The following DLGAP2 variants were observed in gnomAD, a reference collection of about 807,000 sequenced individuals.
The protein encoded by DLGAP2 is disks large-associated protein 2.
Under a neutral mutation model 100.3 loss-of-function variants are expected in DLGAP2, and 26 were observed. That is an observed-to-expected ratio of 0.26 (90% CI 0.19 to 0.36). The LOEUF is 0.36. Ranked by LOEUF, DLGAP2 falls within the 10% of genes least tolerant of loss-of-function variation. The pLI is 1.00. For synonymous variants in DLGAP2, 886 were observed against 630.1 expected (o/e 1.41, Z -6.08); for missense variants, 1,858 against 1,453.2 (o/e 1.28, Z -4.53).
intron 2 of DLGAP2, chr8:1,018,898 G>A (rs951211201): frequency 6.6e-6 from 1 of 152,130 alleles, no homozygotes; most frequent in Non-Finnish European, 1.5e-5. Flanking sequence ...AAGCTGGTGT[G>A]GCTGAAACGG....
chr8:1,072,581 G>A (rs1339683891), intron 2 of DLGAP2, among the ~76,000 whole-genome samples: 1 of 152,174 alleles, frequency 6.6e-6, no homozygotes, highest in Non-Finnish European at 1.5e-5. Context: ...GCTTGTGGCT[G>A]TTCCCGAGAG....
intron 3 of DLGAP2, among the ~76,000 whole-genome samples, chr8:1,275,773 A>G (rs1197337936): frequency 7.7e-6 from 1 of 130,550 alleles, no homozygotes; most frequent in Non-Finnish European, 1.6e-5. Context: ...AATATATATT[A>G]TATATAAAAA....
intron 2 of DLGAP2, among the ~76,000 whole-genome samples, chr8:1,223,577 C>T (rs1798359282): frequency 1.3e-5 from 2 of 152,210 alleles, no homozygotes; most frequent in Non-Finnish European, 2.9e-5. Context: ...TCTTCACTTT[C>T]TCTTTTTTAA....
intron 4 of DLGAP2, among the ~76,000 whole-genome samples, chr8:1,543,854 C>T (rs562962775): frequency 6.6e-6 from 1 of 152,190 alleles, no homozygotes; most frequent in East Asian, 1.9e-4. Flanking sequence ...TAATTTCTTT[C>T]AGTAGCGATG....
intron 4 of DLGAP2, among the ~76,000 whole-genome samples, chr8:1,520,126 G>T (rs1019655826): frequency 6.6e-6 from 1 of 152,142 alleles, no homozygotes; most frequent in Non-Finnish European, 1.5e-5. Flanking sequence ...ACATACCATG[G>T]GCTATACACC....
chr8:1,548,899 C>G lies in DLGAP2; in HGVS notation c.446C>G (p.Pro149Arg). 1.9e-6 allele frequency: 3 copies of G among 1,597,686 alleles called. No individual in the cohort carries two copies. Among genetic ancestry groups the G allele is most frequent in the Non-Finnish European group, 1.7e-6 (2 of 1,178,652 alleles). ...GTGCACTCGGAGTGCGTGATGATGC[C>G]GGTGGTGCTGGGCGACCACGTGTCC... The part of the protein sequence containing the change: ...SSVHSECVMM[P>R]VVLGDHVSSS... The change falls in exon 5 of 15, where the codon CCG becomes CGG. Residue 149 changes from proline (P) to arginine (R), a missense_variant. By Grantham distance (103) the Pro-to-Arg change is moderately radical (BLOSUM62 -2). Transcript: ENST00000637795.
rs150427997 is a variant in DLGAP2, at chr8:1,545,886, C to G, written c.173-2740C>G. On this transcript the variant is annotated intron_variant, in intron 4 of 14. Coordinates refer to ENST00000637795, the MANE Select transcript of DLGAP2 (RefSeq NM_001346810.2). ...CTAAACATTAGGCAGAAGTAGGATA[C>G]GTGAGTGGGGCAGTAATGGACTCTC... is the stretch of plus-strand genomic sequence containing the variant. 4.6e-5 allele frequency among the ~76,000 whole-genome samples: 7 copies of G among 152,104 alleles called. No individual in the cohort carries two copies. The East Asian group carries it at 1.4e-3, about 29-fold the overall frequency.
At chr8:887,420 A>G (rs1412826103) in intron 1 of DLGAP2, among the ~76,000 whole-genome samples, 1 of 152,126 alleles carries the variant, frequency 6.6e-6, no homozygotes, top group African/African-American at 2.4e-5. Flanking sequence ...TCATCATGAT[A>G]CTATTTGGTT....
intron 2 of DLGAP2, among the ~76,000 whole-genome samples, chr8:1,098,171 T>C (rs1804451647): frequency 6.6e-6 from 1 of 152,214 alleles, no homozygotes; most frequent in South Asian, 2.1e-4. Context: ...CATCCCGGCC[T>C]TGGAGCTGGA....
chr8:1,685,862 A>G (rs1435891393), intron 12 of DLGAP2, among the ~76,000 whole-genome samples: 1 of 152,244 alleles, frequency 6.6e-6, no homozygotes, highest in African/African-American at 2.4e-5. Context: ...ATGCAAATCA[A>G]AACCACGATG....
rs535505873 is a variant in DLGAP2 at position 1,359,022 on chromosome 8, C to T, written c.106+100139C>T. Among the ~76,000 whole-genome samples the T allele has an allele frequency of 1.5e-3, 229 of 152,302 alleles. 1 individual carries two copies. The highest frequency in any genetic ancestry group is 4.7e-3 in the African/African-American group (195 of 41,568). On this transcript the variant is annotated intron_variant, in intron 3 of 14. Coordinates refer to ENST00000637795, the MANE Select transcript of DLGAP2 (RefSeq NM_001346810.2). ...CTGCTGAAACACAGAGTGCAGGACCCTGCCCCCAGAGCTTCGGATTCGGCA... is the reference window on the plus strand; with the variant it reads ...CTGCTGAAACACAGAGTGCAGGACCTTGCCCCCAGAGCTTCGGATTCGGCA...
intron 1 of DLGAP2, among the ~76,000 whole-genome samples, chr8:904,498 C>T (rs1010028211): frequency 4.6e-5 from 7 of 152,142 alleles, no homozygotes; most frequent in Middle Eastern, 3.2e-3. Context: ...CCAGCCTGGG[C>T]GATAGAACAA....
chr8:884,660 C>G (rs1797887069), intron 1 of DLGAP2, among the ~76,000 whole-genome samples: 1 of 152,194 alleles, frequency 6.6e-6, no homozygotes, highest in African/African-American at 2.4e-5. Flanking sequence ...CCAATTTTGG[C>G]TTTTATTGCC....
At chr8:937,142 A>T (rs1424014743) in intron 2 of DLGAP2, among the ~76,000 whole-genome samples, 1 of 152,136 alleles carries the variant, frequency 6.6e-6, no homozygotes, top group Non-Finnish European at 1.5e-5. Context: ...ACGCTCCTCA[A>T]GTCTCCCTCG....
At chr8:816,233 A>G (rs1796474195) in intron 1 of DLGAP2, among the ~76,000 whole-genome samples, 1 of 150,438 alleles carries the variant, frequency 6.6e-6, no homozygotes, top group Non-Finnish European at 1.5e-5. Context: ...GATGTGAGAT[A>G]CTATTCCATT....
At chr8:1,410,020 C>T (rs1056358545) in intron 3 of DLGAP2, among the ~76,000 whole-genome samples, 33 of 152,232 alleles carry the variant, frequency 2.2e-4, no homozygotes, top group Admixed American at 1.0e-3. Flanking sequence ...GAACCCTGAC[C>T]GATACGTGCT....
chr8:1,002,144 A>C (rs1800977963), intron 2 of DLGAP2: 1 of 152,290 alleles, frequency 6.6e-6, no homozygotes, highest in Admixed American at 6.5e-5. Flanking sequence ...GAATTCGATC[A>C]CTGGCTGAGA....
chr8:1,059,123 C>T (rs1802974265), intron 2 of DLGAP2, among the ~76,000 whole-genome samples: 1 of 152,132 alleles, frequency 6.6e-6, no homozygotes, highest in Non-Finnish European at 1.5e-5. Flanking sequence ...CAGTGGGAGT[C>T]CTAAAGCCAG....
intron 1 of DLGAP2, among the ~76,000 whole-genome samples, chr8:761,326 T>C (rs1821077682): frequency 6.6e-6 from 1 of 152,226 alleles, no homozygotes; most frequent in South Asian, 2.1e-4. Flanking sequence ...ACTGGGGGTT[T>C]GAAGGAAGAG....
Sources: gnomAD v4.1 joint callset for allele counts (sites outside exome capture counted in the v4.1 genomes callset) on GRCh38, gnomAD v4.1.1 for gene constraint, MANE v1.5 for transcripts, NCBI Gene and HGNC (gene_info 2026-07-23, HGNC 2026-07-21) for gene names.